Variants in HMCN1 observed in about 807,000 individuals in gnomAD.
The protein encoded by HMCN1 is hemicentin 1.
In HMCN1, 321 loss-of-function variants were observed where a neutral mutation model predicts 625.9. That is an observed-to-expected ratio of 0.51 (90% CI 0.47 to 0.56). The LOEUF is 0.56. Among genes scored for constraint, HMCN1 ranks in the 20% least tolerant of loss-of-function variants. HMCN1 has a pLI of 0.00. For synonymous variants in HMCN1, 2,425 were observed against 2,417.6 expected (o/e 1.00, Z -0.09); for missense variants, 6,588 against 6,887.3 (o/e 0.96, Z 1.54).
chr1:186,137,403 A>G (rs1649671405), intron 87 of HMCN1, 95 bp from the exon 88 acceptor site: 2 of 1,343,908 alleles, frequency 1.5e-6, no homozygotes, highest in Admixed American at 3.9e-5. Context: ...GCAACTATAT[A>G]TTTAGCTCTG....
rs942798263 is a variant in HMCN1, at chr1:186,161,619, G to A, written c.15257-3492G>A. 3.5e-3 allele frequency among the ~76,000 whole-genome samples: 531 copies of A among 152,082 alleles called. 3 individuals are homozygous for A. The highest frequency in any genetic ancestry group is 0.012 in the African/African-American group (493 of 41,392). On this transcript the variant is annotated intron_variant, in intron 97 of 106. Transcript: ENST00000271588. ...GAGCTCTTTTAGGGCAGGCCTGGTG[G>A]TGACAAAATCTCTCAGCATTTGCTT... is the stretch of plus-strand genomic sequence containing the variant.
rs60205431 is a variant in HMCN1 at position 185,919,074 on chromosome 1, C to CATATATATATATATAT, written c.901-3303_901-3288dup. 1.0e-3 allele frequency among the ~76,000 whole-genome samples: 153 copies of CATATATATATATATAT among 146,110 alleles called. 1 individual carries two copies. Among genetic ancestry groups the CATATATATATATATAT allele is most frequent in the African/African-American group, 3.7e-3 (144 of 38,918 alleles). On this transcript the variant is annotated intron_variant, in intron 6 of 106. Transcript: ENST00000271588. ...AATTTTGGCCTCACTAATTTTAGGA[C>CATATATATATATATAT]ATATATATATATATATAATTTTATT...
rs529838009 is a variant in HMCN1, at chr1:186,103,135, T to TA, written c.10574-327dup. The stretch of plus-strand genomic sequence containing the variant: ...AACATAATAATATGCTAAGTCCCTC[T>TA]AAAAAAAAAAGTGGTACAAGCTGCG... On this transcript the variant is annotated intron_variant, in intron 68 of 106. Transcript: ENST00000271588. 1.9e-3 allele frequency among the ~76,000 whole-genome samples: 281 copies of TA among 147,728 alleles called. 1 individual carries two copies. Among genetic ancestry groups the TA allele is most frequent in the African/African-American group, 4.5e-3 (181 of 40,590 alleles).
chr1:186,118,093 T>A lies in HMCN1; in HGVS notation c.11848+470T>A, dbSNP rs1661222620. 1.3e-5 allele frequency among the ~76,000 whole-genome samples: 2 copies of A among 152,254 alleles called. 1 individual carries two copies. The highest frequency in any genetic ancestry group is 3.9e-4 in the East Asian group (2 of 5,184). ...GTTTTTAAAATTGAGTATGTAAGAC[T>A]GAGTGAGTAGCGAGTTCTATGAAGG... On this transcript the variant is annotated intron_variant, in intron 77 of 106. Transcript: ENST00000271588.
chr1:185,871,253 A>T (rs1230065750), intron 4 of HMCN1, among the ~76,000 whole-genome samples: 1 of 151,162 alleles, frequency 6.6e-6, no homozygotes. Context: ...AAAAGTCAGC[A>T]TCCCAGGGTG....
intron 4 of HMCN1, among the ~76,000 whole-genome samples, chr1:185,868,050 C>G (rs145198299): frequency 4.0e-5 from 6 of 151,756 alleles, no homozygotes; most frequent in African/African-American, 1.5e-4. Flanking sequence ...GCCTGGGCAA[C>G]TGAGTGAGAC....
intron 30 of HMCN1, among the ~76,000 whole-genome samples, chr1:186,012,711 G>A (rs1654083944): frequency 2.6e-5 from 4 of 152,102 alleles, no homozygotes; most frequent in Admixed American, 2.0e-4. Context: ...GAGCCTCTCA[G>A]AAATTTAGTT....
At chr1:186,129,897 A>G in intron 83 of HMCN1, 69 bp from the exon 84 acceptor site, 1 of 1,591,194 alleles carries the variant, frequency 6.3e-7, no homozygotes, top group South Asian at 1.1e-5. Context: ...AATGTGCAAA[A>G]TACTGAGCTG....
intron 100 of HMCN1, 136 bp downstream of exon 100, chr1:186,167,078 C>T: frequency 9.2e-7 from 1 of 1,090,094 alleles, no homozygotes; most frequent in South Asian, 1.3e-5. Context: ...AGGAGATATC[C>T]AGCAAGAGGG....
intron 36 of HMCN1, among the ~76,000 whole-genome samples, chr1:186,037,162 T>A (rs917709095): frequency 2.0e-5 from 3 of 152,112 alleles, no homozygotes; most frequent in Non-Finnish European, 4.4e-5. Flanking sequence ...ATGTGTTTTT[T>A]TTTTCTATCA....
chr1:185,912,156 C>T (rs769535181), intron 6 of HMCN1, among the ~76,000 whole-genome samples: 10 of 152,174 alleles, frequency 6.6e-5, no homozygotes, highest in East Asian at 3.9e-4. Flanking sequence ...CTTAACACCA[C>T]GCCTTAACGG....
chr1:186,063,809 A>G (rs1346413577), intron 48 of HMCN1, among the ~76,000 whole-genome samples: 1 of 152,204 alleles, frequency 6.6e-6, no homozygotes, highest in Non-Finnish European at 1.5e-5. Context: ...TAAAAATTCT[A>G]AAACCAGTTT....
chr1:186,016,794 C>A (rs1420065261), intron 32 of HMCN1, among the ~76,000 whole-genome samples, 169 bp from the exon 33 acceptor site: 2 of 152,038 alleles, frequency 1.3e-5, no homozygotes, highest in African/African-American at 2.4e-5. Flanking sequence ...TTGATCCTGA[C>A]AAGGCTTTAT....
At position 185,755,280 on chromosome 1, in the gene HMCN1, T is replaced by C. The variant is rs373069313; in HGVS notation, c.268+20233T>C. Among the ~76,000 whole-genome samples, 18 of 152,348 alleles carry C rather than the reference T, an allele frequency of 1.2e-4. No individual in the cohort carries two copies. In the East Asian group the frequency reaches 2.7e-3, roughly 23 times the overall value. Reference sequence around the variant, plus strand: ...AATTATTACATCTACTTGGTATATTTATACATTTTTGTTATTGCACGGTAA... The same window carrying C: ...AATTATTACATCTACTTGGTATATTCATACATTTTTGTTATTGCACGGTAA... On this transcript the variant is annotated intron_variant, in intron 1 of 106. Coordinates refer to ENST00000271588, the MANE Select transcript of HMCN1 (RefSeq NM_031935.3).
chr1:185,940,279 TCAGCA>T (rs1668016300), intron 11 of HMCN1, among the ~76,000 whole-genome samples: 2 of 152,218 alleles, frequency 1.3e-5, no homozygotes, highest in Non-Finnish European at 2.9e-5. Context: ...AAGATGATAC[TCAGCA>T]TGCTGTGGTG....
At chr1:186,031,092 C>T (rs938879652) in intron 36 of HMCN1, among the ~76,000 whole-genome samples, 12 of 151,890 alleles carry the variant, frequency 7.9e-5, no homozygotes, top group African/African-American at 2.7e-4. Context: ...TATGTAGTTA[C>T]CTCTACCAGT....
intron 4 of HMCN1, among the ~76,000 whole-genome samples, chr1:185,899,295 A>G (rs963317309): frequency 2.0e-5 from 3 of 152,154 alleles, no homozygotes; most frequent in African/African-American, 7.2e-5. Context: ...AAAGAATAAA[A>G]ATTATCTTTC....
chr1:185,849,233 A>T (rs1412998459), intron 2 of HMCN1, among the ~76,000 whole-genome samples: 2 of 152,134 alleles, frequency 1.3e-5, no homozygotes, highest in Non-Finnish European at 2.9e-5. Flanking sequence ...GCATTTTTGC[A>T]CATGCTGTTC....
chr1:186,109,502 C>T (rs1660779439), intron 71 of HMCN1, among the ~76,000 whole-genome samples: 1 of 152,166 alleles, frequency 6.6e-6, no homozygotes, highest in South Asian at 2.1e-4. Flanking sequence ...CACTCACTAT[C>T]TGAGAAGACA....
Sources: allele counts gnomAD v4.1 joint callset (sites outside exome capture counted in the v4.1 genomes callset), GRCh38; gene constraint gnomAD v4.1.1; transcripts MANE v1.5; gene names NCBI Gene and HGNC (gene_info 2026-07-23, HGNC 2026-07-21).